DPP10: variants seen among roughly 807,000 people sequenced by gnomAD.
DPP10 encodes the protein inactive dipeptidyl peptidase 10.
A neutral mutation model predicts 120.9 loss-of-function variants in DPP10; 33 were observed. That is an observed-to-expected ratio of 0.27 (90% CI 0.21 to 0.37). The LOEUF (loss-of-function observed/expected upper bound fraction) is 0.37. Ranked by LOEUF, DPP10 falls within the 10% of genes least tolerant of loss-of-function variation. The pLI is 1.00. For missense variants in DPP10, 816 were observed against 942.8 expected (o/e 0.87, Z 1.76); for synonymous variants, 337 against 326.1 (o/e 1.03, Z -0.36).
intron 1 of DPP10, among the ~76,000 whole-genome samples, chr2:115,274,456 T>G (rs1020823737): frequency 6.6e-6 from 1 of 152,096 alleles, no homozygotes; most frequent in African/African-American, 2.4e-5. Context: ...TTTTTTAATA[T>G]TTTCATTTTT....
chr2:115,724,074 A>G (rs1559076160), intron 7 of DPP10, among the ~76,000 whole-genome samples: 1 of 152,320 alleles, frequency 6.6e-6, no homozygotes, highest in Non-Finnish European at 1.5e-5. Context: ...TTCTTTTAAG[A>G]TGGCTAAAAT....
At chr2:114,522,731 G>A (rs1018440954) in intron 1 of DPP10, among the ~76,000 whole-genome samples, 3 of 152,152 alleles carry the variant, frequency 2.0e-5, no homozygotes, top group African/African-American at 7.2e-5. Context: ...AATAAAGAGA[G>A]GTTTAATAGA....
At chr2:115,327,924 A>T (rs1318974275) in intron 2 of DPP10, among the ~76,000 whole-genome samples, 1 of 152,060 alleles carries the variant, frequency 6.6e-6, no homozygotes, top group Admixed American at 6.6e-5. Context: ...CTGGAGTTTT[A>T]TCAACCATTG....
intron 3 of DPP10, among the ~76,000 whole-genome samples, chr2:115,472,609 T>C (rs2074804157): frequency 6.6e-6 from 1 of 152,228 alleles, no homozygotes; most frequent in South Asian, 2.1e-4. Context: ...CACAAGTCTT[T>C]ACTCTTAATT....
At chr2:114,487,883 A>G (rs1681648495) in intron 1 of DPP10, among the ~76,000 whole-genome samples, 1 of 152,232 alleles carries the variant, frequency 6.6e-6, no homozygotes, top group Admixed American at 6.5e-5. Context: ...CTAGATGAGT[A>G]ATCACAAAGA....
At chr2:115,125,979 A>G (rs893901943) in intron 1 of DPP10, among the ~76,000 whole-genome samples, 1 of 152,250 alleles carries the variant, frequency 6.6e-6, no homozygotes, top group African/African-American at 2.4e-5. Flanking sequence ...GAGATCGTGT[A>G]TATATTTCCA....
chr2:114,588,140 C>T (rs752612098), intron 1 of DPP10, among the ~76,000 whole-genome samples: 2 of 152,010 alleles, frequency 1.3e-5, no homozygotes, highest in Admixed American at 6.5e-5. Context: ...ATAAAAAAGC[C>T]CTAGATTCAG....
At chr2:115,281,888 T>G (rs1039215737) in intron 1 of DPP10, among the ~76,000 whole-genome samples, 15 of 152,102 alleles carry the variant, frequency 9.9e-5, no homozygotes, top group African/African-American at 3.4e-4. Flanking sequence ...CTGAGAAATT[T>G]TAGAAATTTT....
chr2:115,794,080 A>G (rs1343658282), intron 19 of DPP10, among the ~76,000 whole-genome samples: 2 of 152,106 alleles, frequency 1.3e-5, no homozygotes, highest in Admixed American at 6.6e-5. Context: ...AGTAATAATA[A>G]TTATTATTTT....
chr2:114,661,760 A>G (rs1196276431), intron 1 of DPP10, among the ~76,000 whole-genome samples: 3 of 152,254 alleles, frequency 2.0e-5, no homozygotes, highest in East Asian at 1.9e-4. Flanking sequence ...TTGGACACTC[A>G]GTAATGTGTT....
chr2:114,793,808 T>TC (rs1298227490), intron 1 of DPP10, among the ~76,000 whole-genome samples: 2 of 152,168 alleles, frequency 1.3e-5, no homozygotes, highest in African/African-American at 4.8e-5. Flanking sequence ...TCATTCTCCC[T>TC]CCCCTTGGTG....
chr2:115,667,899 C>T (rs2089584390), intron 5 of DPP10, among the ~76,000 whole-genome samples: 1 of 151,740 alleles, frequency 6.6e-6, no homozygotes, highest in Non-Finnish European at 1.5e-5. Flanking sequence ...CCCAACTTGT[C>T]CACTAGATTC....
chr2:115,320,770 CTTTTCTATCTACCTAGGGAGTTATCATT>C (rs2062019917), intron 2 of DPP10, among the ~76,000 whole-genome samples: 1 of 151,922 alleles, frequency 6.6e-6, no homozygotes, highest in Non-Finnish European at 1.5e-5. Flanking sequence ...ATAAGACTGC[CTTTTCTATCTACCTAGGGAGTTATCATT>C]ACTAGAGTTT....
At position 115,843,671 on chromosome 2, in the gene DPP10, A is replaced by G. The variant is rs755699720; in HGVS notation, c.*1326A>G. On this transcript the variant is annotated 3_prime_UTR_variant, in exon 26 of 26. Transcript: ENST00000410059. ...GTTGACTTGCAGTAGTAAGTAACTG[A>G]GAGCATAAAATAAACCTGACTGTAT... is the stretch of plus-strand genomic sequence containing the variant. 2 of 152,210 alleles carry G rather than the reference A, an allele frequency of 1.3e-5. No homozygotes were observed. The highest frequency in any genetic ancestry group is 2.9e-5 in the Non-Finnish European group (2 of 68,018). The allele number at this position is 152,210 out of a possible 1,614,324, so 9.4% of individuals were successfully genotyped here.
intron 1 of DPP10, among the ~76,000 whole-genome samples, chr2:114,986,470 TC>T (rs1700397575): frequency 6.6e-6 from 1 of 152,194 alleles, no homozygotes; most frequent in African/African-American, 2.4e-5. Context: ...GAGGTGTTAT[TC>T]CATATGCCCC....
At chr2:115,232,432 T>G (rs2057780205) in intron 1 of DPP10, among the ~76,000 whole-genome samples, 1 of 152,180 alleles carries the variant, frequency 6.6e-6, no homozygotes, top group Admixed American at 6.5e-5. Flanking sequence ...GCTGGTCACC[T>G]TTCTGTTTAA....
chr2:115,504,674 A>C (rs979721494), intron 4 of DPP10, among the ~76,000 whole-genome samples: 2 of 152,188 alleles, frequency 1.3e-5, no homozygotes, highest in Non-Finnish European at 2.9e-5. Context: ...TACATGTTTC[A>C]GCAAAGATTG....
chr2:114,715,041 C>A (rs1488872779), intron 1 of DPP10, among the ~76,000 whole-genome samples: 3 of 152,114 alleles, frequency 2.0e-5, no homozygotes, highest in African/African-American at 7.2e-5. Context: ...ATTTCCTAGT[C>A]TCTACCTATC....
intron 1 of DPP10, among the ~76,000 whole-genome samples, chr2:114,658,701 G>A (rs763663705): frequency 1.3e-5 from 2 of 152,178 alleles, no homozygotes; most frequent in African/African-American, 2.4e-5. Context: ...CGGTATAACA[G>A]ATAAATTGAG....
Sources: gnomAD v4.1 joint callset for allele counts (sites outside exome capture counted in the v4.1 genomes callset) on GRCh38, gnomAD v4.1.1 for gene constraint, MANE v1.5 for transcripts, NCBI Gene and HGNC (gene_info 2026-07-23, HGNC 2026-07-21) for gene names.